The following IQCH variants were observed in gnomAD, a reference collection of about 807,000 sequenced individuals.
The protein encoded by IQCH is IQ domain-containing protein H.
IQCH carries 98 observed loss-of-function variants against 117.0 expected under a neutral mutation model. The observed-to-expected ratio is 0.84, with a 90% confidence interval of 0.71 to 0.99. The LOEUF is 0.99. IQCH is among the 50% of genes least tolerant of loss of function. The pLI is 0.00. For synonymous variants in IQCH, 412 were observed against 448.2 expected, an observed-to-expected ratio of 0.92 and a Z score of 1.02; for missense variants, 1,102 against 1,243.8, an observed-to-expected ratio of 0.89 and a Z score of 1.72.
At chr15:67,399,551 C>G (rs1971575695) in intron 13 of IQCH, among the ~76,000 whole-genome samples, 1 of 152,128 alleles carries the variant, frequency 6.6e-6, no homozygotes, top group African/African-American at 2.4e-5. Flanking sequence ...CTGTCTTGTT[C>G]TAAAATATAT....
chr15:67,303,788 G>A (rs895819116), intron 4 of IQCH, among the ~76,000 whole-genome samples: 1 of 152,174 alleles, frequency 6.6e-6, no homozygotes, highest in Non-Finnish European at 1.5e-5. Flanking sequence ...AAGTGGTTCA[G>A]ACAAGAGGCT....
In IQCH at chr15:67,263,126, A is replaced by G. The variant is rs754645263; in HGVS notation, c.179A>G (p.His60Arg). The G allele has an allele frequency of 1.5e-5, 22 of 1,476,644 alleles. No homozygotes were observed. Among genetic ancestry groups the G allele is most frequent in the Non-Finnish European group, 2.0e-5 (21 of 1,056,434 alleles). 91.5% of individuals were successfully genotyped at this position (1,476,644 alleles called of 1,614,324 possible). Residue 60 changes from histidine (H) to arginine (R), a missense_variant, in exon 3 of 21, where the codon CAC (histidine) becomes CGC (arginine). Transcript: ENST00000335894. ...ACTTTGACATTTCTGTAACAGATTC[A>G]CATTGAGAAGTATTTAAATGTTGTA... The part of the protein sequence containing the change: ...IKRTEVGLRI[H>R]IEKYLNVVNQ...
chr15:67,403,264 G>A lies in IQCH; in HGVS notation c.2097+2959G>A, dbSNP rs541772521. 9.6e-4 allele frequency among the ~76,000 whole-genome samples: 145 copies of A among 151,000 alleles called. 2 individuals carry two copies. The highest frequency in any genetic ancestry group is 3.3e-3 in the African/African-American group (136 of 41,172). On this transcript the variant is annotated intron_variant, in intron 14 of 20. Coordinates refer to ENST00000335894, the MANE Select transcript of IQCH (RefSeq NM_001031715.3). The surrounding 1 kb of genome is among the most constrained non-coding windows in gnomAD (Gnocchi z 4.8). ...GACACTGTCTCAAAAAAAAAAAAAA[G>A]TCATCTCTTTTTTCACCTATGTAAT...
chr15:67,278,922 A>C (rs1366871985), intron 3 of IQCH, among the ~76,000 whole-genome samples: 4 of 152,204 alleles, frequency 2.6e-5, no homozygotes, highest in Non-Finnish European at 5.9e-5. Context: ...CTTAATAAGG[A>C]AAATGTTTAA....
intron 4 of IQCH, among the ~76,000 whole-genome samples, chr15:67,303,864 A>G (rs1204495568): frequency 6.6e-6 from 1 of 152,210 alleles, no homozygotes; most frequent in African/African-American, 2.4e-5. Flanking sequence ...GAAGGAGTAG[A>G]TAAATTTGTT....
At position 67,465,093 on chromosome 15, in the gene IQCH, T is replaced by C; in HGVS notation, c.2506-34T>C. On this transcript the variant is annotated intron_variant, in intron 16 of 20. Transcript: ENST00000335894. The surrounding 1 kb of genome is among the most constrained non-coding windows in gnomAD (Gnocchi z 5.9). ...GGGCCTTCGCTGCTGTTTGCTGATT[T>C]CACCCTCACTTCTACGGCTCCTGTT... The C allele has an allele frequency of 6.2e-7, 1 of 1,605,908 alleles. No homozygotes were observed. The highest frequency in any genetic ancestry group is 8.5e-7 in the Non-Finnish European group (1 of 1,174,692).
At position 67,493,679 on chromosome 15, in the gene IQCH, T is replaced by G. The variant is rs973730809; in HGVS notation, c.2862-579T>G. Among the ~76,000 whole-genome samples, 4 of 152,236 alleles carry G rather than the reference T, an allele frequency of 2.6e-5. No homozygotes were observed. The highest frequency in any genetic ancestry group is 7.2e-5 in the African/African-American group (3 of 41,456). On this transcript the variant is annotated intron_variant, in intron 19 of 20. Coordinates refer to ENST00000335894, the MANE Select transcript of IQCH (RefSeq NM_001031715.3). This position sits in a 1 kb window ranked among gnomAD's most constrained non-coding sequence, Gnocchi z 5.1. ...AAACCATTTTTTTTAATTATTATAC[T>G]TTAAGTTATAGGGTACATGTGCACA...
chr15:67,373,351 T>G lies in IQCH; in HGVS notation c.1306-16T>G, dbSNP rs1324982366. ...ACAGCTTCCTGTCACTGATCAATGC[T>G]CTTCTTGATTTTTAGCATCTGGCAG... On this transcript the variant is annotated splice_polypyrimidine_tract_variant and intron_variant, in intron 9 of 20. Coordinates refer to ENST00000335894, the MANE Select transcript of IQCH (RefSeq NM_001031715.3). 1.3e-6 allele frequency: 2 copies of G among 1,594,794 alleles called. No homozygotes were observed. Among genetic ancestry groups the G allele is most frequent in the African/African-American group, 1.3e-5 (1 of 74,616 alleles).
At chr15:67,355,506 T>A (rs7494991) in intron 6 of IQCH, among the ~76,000 whole-genome samples, 1 of 151,930 alleles carries the variant, frequency 6.6e-6, no homozygotes, top group Non-Finnish European at 1.5e-5. Context: ...AGGAGAATGG[T>A]GTGAACCTGG....
chr15:67,414,948 A>C (rs1043700909), intron 14 of IQCH, among the ~76,000 whole-genome samples: 1 of 152,144 alleles, frequency 6.6e-6, no homozygotes, highest in Non-Finnish European at 1.5e-5. Context: ...TTTCCTTGCC[A>C]TTCCATTTTC....
chr15:67,344,228 C>T (rs773919408), intron 6 of IQCH, 37 bp downstream of exon 6: 2 of 1,599,492 alleles, frequency 1.3e-6, no homozygotes, highest in Non-Finnish European at 1.7e-6. Flanking sequence ...GTTGGGGACA[C>T]ACAGAAATTA....
At chr15:67,278,638 A>G (rs956883336) in intron 3 of IQCH, among the ~76,000 whole-genome samples, 6 of 152,208 alleles carry the variant, frequency 3.9e-5, no homozygotes, top group South Asian at 2.1e-4. Context: ...AGGAATGACA[A>G]CTTCCAAGCT....
intron 13 of IQCH, among the ~76,000 whole-genome samples, chr15:67,397,435 CA>C (rs962047213): frequency 2.0e-5 from 3 of 152,080 alleles, no homozygotes; most frequent in Non-Finnish European, 4.4e-5. Flanking sequence ...AACAATAAAC[CA>C]ATATTTCACT....
intron 4 of IQCH, among the ~76,000 whole-genome samples, chr15:67,332,354 A>G (rs750869506): frequency 4.9e-4 from 75 of 152,212 alleles, no homozygotes; most frequent in Non-Finnish European, 8.5e-4. Flanking sequence ...GTCAGACTTC[A>G]CAATAATTAT....
At position 67,431,152 on chromosome 15, in the gene IQCH, G is replaced by T. The variant is rs1465714324; in HGVS notation, c.2505+9575G>T. 2.0e-5 allele frequency among the ~76,000 whole-genome samples: 3 copies of T among 151,918 alleles called. No homozygotes were observed. The highest frequency in any genetic ancestry group is 4.4e-5 in the Non-Finnish European group (3 of 67,968). On this transcript the variant is annotated intron_variant, in intron 16 of 20. Transcript: ENST00000335894. This position sits in a 1 kb window ranked among gnomAD's most constrained non-coding sequence, Gnocchi z 4.8. ...CAGAACACATATGGATAAAAATGAT[G>T]ATCTAAGTCTTACAAATATCATGTT...
Position 67,364,187 on chromosome 15 carries a change from A to T in IQCH, c.753+4302A>T, listed in dbSNP as rs1970250949. ...ACATTCCCACTGGCAGTGTATAAGC[A>T]TTCCCTTTTCTCTGCAACCTCACCA... On this transcript the variant is annotated intron_variant, in intron 8 of 20. Transcript: ENST00000335894. This position sits in a 1 kb window ranked among gnomAD's most constrained non-coding sequence, Gnocchi z 4.1. 6.6e-6 allele frequency among the ~76,000 whole-genome samples: 1 copy of T among 152,190 alleles called. No homozygotes were observed.
At chr15:67,489,896 A>G (rs1002179848) in intron 18 of IQCH, 107 bp from the exon 19 acceptor site, 1 of 838,944 alleles carries the variant, frequency 1.2e-6, no homozygotes, top group Admixed American at 2.0e-5. Flanking sequence ...GTAGCTCTAG[A>G]TTTCAAATCA....
chr15:67,477,807 C>G (rs1328194513), intron 18 of IQCH, among the ~76,000 whole-genome samples: 3 of 152,130 alleles, frequency 2.0e-5, no homozygotes, highest in South Asian at 2.1e-4. Context: ...CCCTTCCCCC[C>G]ACACAAAAGT....
intron 4 of IQCH, among the ~76,000 whole-genome samples, chr15:67,328,962 C>T (rs1233942434): frequency 6.6e-6 from 1 of 152,152 alleles, no homozygotes; most frequent in Non-Finnish European, 1.5e-5. Context: ...TAGTTACCCA[C>T]AGTGGTCACA....
Sources: allele counts gnomAD v4.1 joint callset (sites outside exome capture counted in the v4.1 genomes callset), GRCh38; gene constraint gnomAD v4.1.1; non-coding constraint Gnocchi (gnomAD v3.1); transcripts MANE v1.5; gene names NCBI Gene and HGNC (gene_info 2026-07-23, HGNC 2026-07-21).